Variants in SATB2 observed in about 807,000 individuals in gnomAD.
SATB2 encodes the protein DNA-binding protein SATB2.
A neutral mutation model predicts 73.4 loss-of-function variants in SATB2; 1 was observed. The observed-to-expected ratio is 0.01, with a 90% CI of 0.00 to 0.06. The LOEUF (loss-of-function observed/expected upper bound fraction) is 0.06, where lower values mean the gene tolerates loss of function less well. Among genes scored for constraint, SATB2 ranks in the 10% least tolerant of loss-of-function variants. The pLI is 1.00. For missense variants in SATB2, 459 were observed against 945.8 expected (o/e 0.49, Z 6.75); for synonymous variants, 397 against 367.0 (o/e 1.08, Z -0.93).
intron 6 of SATB2, among the ~76,000 whole-genome samples, chr2:199,350,456 CA>C (rs1484501135): frequency 6.6e-6 from 1 of 151,798 alleles, no homozygotes; most frequent in Non-Finnish European, 1.5e-5. Flanking sequence ...ACACTGATGC[CA>C]AATCACATGT....
intron 2 of SATB2, among the ~76,000 whole-genome samples, chr2:199,444,975 G>A (rs1194520054): frequency 1.3e-5 from 2 of 152,198 alleles, no homozygotes; most frequent in Non-Finnish European, 2.9e-5. Flanking sequence ...GAAGAGAGCT[G>A]CATCTCAGAA....
upstream of SATB2, chr2:199,458,419 C>A: frequency 7.9e-6 from 3 of 378,330 alleles, no homozygotes; most frequent in South Asian, 1.8e-5. Flanking sequence ...ACCTCATGCA[C>A]GAGGCGGCGA....
intron 10 of SATB2, among the ~76,000 whole-genome samples, chr2:199,304,920 C>T (rs1687387117): frequency 6.6e-6 from 1 of 152,088 alleles, no homozygotes; most frequent in Non-Finnish European, 1.5e-5. Flanking sequence ...ATGGTTCAGG[C>T]CCAGCGTGGT....
chr2:199,424,204 A>T (rs1351978087), intron 3 of SATB2, among the ~76,000 whole-genome samples: 1 of 152,214 alleles, frequency 6.6e-6, no homozygotes, highest in Non-Finnish European at 1.5e-5. Context: ...TTGACTTAAG[A>T]CCCTTTACAG....
chr2:199,336,075 T>TTTTG (rs150551124), intron 7 of SATB2, among the ~76,000 whole-genome samples: 5 of 152,290 alleles, frequency 3.3e-5, no homozygotes, highest in Non-Finnish European at 5.9e-5. Context: ...CTTTAATGTT[T>TTTTG]TTTGTTTGTT....
At chr2:199,323,272 C>CAA (rs1687937467) in intron 9 of SATB2, among the ~76,000 whole-genome samples, 1 of 152,070 alleles carries the variant, frequency 6.6e-6, no homozygotes, top group Non-Finnish European at 1.5e-5. Context: ...TGCACTCCCC[C>CAA]CACGTGTGTT....
At chr2:199,321,883 G>T (rs559117161) in intron 9 of SATB2, among the ~76,000 whole-genome samples, 1 of 152,110 alleles carries the variant, frequency 6.6e-6, no homozygotes, top group South Asian at 2.1e-4. Context: ...AGTGAAAAAG[G>T]AACAACCTCA....
chr2:199,287,418 A>G (rs535977704), intron 10 of SATB2, among the ~76,000 whole-genome samples: 3 of 152,336 alleles, frequency 2.0e-5, no homozygotes, highest in Admixed American at 6.5e-5. Context: ...AGAATTGTCA[A>G]TGAAGACTTA....
intron 3 of SATB2, among the ~76,000 whole-genome samples, chr2:199,407,323 G>T (rs1039305687): frequency 2.1e-5 from 3 of 144,950 alleles, no homozygotes; most frequent in South Asian, 2.2e-4. Flanking sequence ...GAGAAGAAAA[G>T]AAAGAAACAT....
intron 3 of SATB2, among the ~76,000 whole-genome samples, chr2:199,398,898 A>G (rs1325972822): frequency 6.6e-6 from 1 of 152,200 alleles, no homozygotes; most frequent in Non-Finnish European, 1.5e-5. Flanking sequence ...AACTCCTACG[A>G]GCTAAGTAAA....
At chr2:199,346,901 C>T (rs899923477) in intron 7 of SATB2, 2 of 135,020 alleles carry the variant, frequency 1.5e-5, no homozygotes, top group Non-Finnish European at 1.6e-5. Flanking sequence ...GTTTCACTCT[C>T]ACTCAGGCTG....
At chr2:199,435,357 A>G (rs1001299959) in intron 2 of SATB2, among the ~76,000 whole-genome samples, 1 of 151,008 alleles carries the variant, frequency 6.6e-6, no homozygotes, top group Admixed American at 6.6e-5. Flanking sequence ...TTTCCTTCAA[A>G]TTATCTTTTT....
chr2:199,455,941 G>A lies in SATB2; in HGVS notation c.97C>T (p.Arg33Trp), dbSNP rs1392839872. ...VKGPPPVKVA[R>W]LEQNGSPMGA... ...ATGGGGCTGCCGTTCTGCTCCAGCC[G>A]GGCCACCTTCACTGGGGGAGGCCCC... Residue 33 changes from arginine (R) to tryptophan (W), a missense_variant, in exon 2 of 11, where the codon CGG becomes TGG. This residue lies in a region of SATB2 where 74 missense variants were observed against 113.3 expected (regional missense o/e 0.65). Transcript: ENST00000417098. The surrounding 1 kb of genome is among the most constrained non-coding windows in gnomAD (Gnocchi z 4.1). 1.3e-6 allele frequency: 2 copies of A among 1,537,938 alleles called. No homozygotes were observed. Among genetic ancestry groups the A allele is most frequent in the Admixed American group, 2.0e-5 (1 of 51,266 alleles).
intron 2 of SATB2, among the ~76,000 whole-genome samples, chr2:199,448,429 C>A (rs1307213069): frequency 6.6e-6 from 1 of 151,996 alleles, no homozygotes; most frequent in Non-Finnish European, 1.5e-5. Flanking sequence ...CAATCACAAT[C>A]AGTTATGAAA....
At chr2:199,347,333 A>G (rs1394362978) in intron 7 of SATB2, 4 of 152,180 alleles carry the variant, frequency 2.6e-5, no homozygotes, top group Non-Finnish European at 5.9e-5. Flanking sequence ...GCATTCCTAC[A>G]TTCTGTACGT....
intron 9 of SATB2, among the ~76,000 whole-genome samples, chr2:199,311,881 G>C (rs1687605509): frequency 6.6e-6 from 1 of 152,132 alleles, no homozygotes; most frequent in Admixed American, 6.6e-5. Flanking sequence ...CTTGTTTGCT[G>C]GCTAATGAAT....
intron 3 of SATB2, among the ~76,000 whole-genome samples, chr2:199,384,219 C>T (rs1210937657): frequency 6.6e-6 from 1 of 152,214 alleles, no homozygotes; most frequent in African/African-American, 2.4e-5. Flanking sequence ...TTAATACCTC[C>T]ACATAGAGCA....
intron 5 of SATB2, 41 bp downstream of exon 5, chr2:199,380,323 G>A (rs1235685382): frequency 6.2e-7 from 1 of 1,613,312 alleles, no homozygotes; most frequent in Non-Finnish European, 8.5e-7. Context: ...GTCTACCAAT[G>A]GCTTCTTCTG....
upstream of SATB2, among the ~76,000 whole-genome samples, chr2:199,469,363 G>A (rs1692658959): frequency 6.6e-6 from 1 of 152,082 alleles, no homozygotes. Context: ...AGTAAACGGC[G>A]TCCTCCCTCC....
Sources: allele counts gnomAD v4.1 joint callset (sites outside exome capture counted in the v4.1 genomes callset), GRCh38; gene constraint gnomAD v4.1.1; regional missense constraint gnomAD v4.1.1; non-coding constraint Gnocchi (gnomAD v3.1); transcripts MANE v1.5; gene names NCBI Gene and HGNC (gene_info 2026-07-23, HGNC 2026-07-21).